PDE7B: variants seen among roughly 807,000 people sequenced by gnomAD.
PDE7B encodes the protein 3',5'-cyclic-AMP phosphodiesterase 7B.
A neutral mutation model predicts 56.2 loss-of-function variants in PDE7B; 29 were observed. The ratio of observed to expected loss-of-function variants is 0.52; its 90% CI spans 0.38 to 0.70. The LOEUF (loss-of-function observed/expected upper bound fraction) is 0.70. Ranked by LOEUF, PDE7B falls within the 30% of genes least tolerant of loss-of-function variation. The pLI is 0.00. For synonymous variants in PDE7B, 197 were observed against 196.9 expected, an observed-to-expected ratio of 1.00 and a Z score of 0.00; for missense variants, 490 against 565.0, an observed-to-expected ratio of 0.87 and a Z score of 1.35.
intron 3 of PDE7B, among the ~76,000 whole-genome samples, chr6:136,118,823 A>G (rs1379009921): frequency 6.6e-6 from 1 of 152,194 alleles, no homozygotes; most frequent in African/African-American, 2.4e-5. Context: ...TTGGTATTAA[A>G]TGACTTCAGT....
chr6:136,049,831 T>C (rs1299408661), intron 2 of PDE7B, among the ~76,000 whole-genome samples: 1 of 152,160 alleles, frequency 6.6e-6, no homozygotes, highest in African/African-American at 2.4e-5. Flanking sequence ...GGACAAGAAA[T>C]CTTAACTCTT....
intron 2 of PDE7B, among the ~76,000 whole-genome samples, chr6:136,104,011 T>C (rs575971876): frequency 1.3e-5 from 2 of 152,198 alleles, no homozygotes; most frequent in South Asian, 4.1e-4. Context: ...AGAGGCAGCG[T>C]GAGAGGCCAA....
intron 1 of PDE7B, among the ~76,000 whole-genome samples, chr6:135,924,038 T>A (rs910923377): frequency 3.3e-5 from 5 of 152,210 alleles, no homozygotes. Context: ...CAAATTTTTT[T>A]AAATGTAAAA....
At chr6:136,085,939 G>A (rs1055993719) in intron 2 of PDE7B, among the ~76,000 whole-genome samples, 1 of 152,112 alleles carries the variant, frequency 6.6e-6, no homozygotes, top group African/African-American at 2.4e-5. Context: ...TGAGCTTTGT[G>A]GGTTCTTTCT....
chr6:136,140,593 T>C (rs190830575), intron 3 of PDE7B, among the ~76,000 whole-genome samples: 8 of 152,358 alleles, frequency 5.3e-5, no homozygotes, highest in African/African-American at 1.9e-4. Flanking sequence ...TGATTCCTCC[T>C]ACCCTTGAGC....
At chr6:136,139,560 G>A (rs1583903076) in intron 3 of PDE7B, among the ~76,000 whole-genome samples, 1 of 152,152 alleles carries the variant, frequency 6.6e-6, no homozygotes, top group African/African-American at 2.4e-5. Context: ...CTTCCACAAT[G>A]GTTGAACTAG....
intron 1 of PDE7B, among the ~76,000 whole-genome samples, chr6:135,870,438 G>A (rs1205231617): frequency 6.6e-6 from 1 of 151,888 alleles, no homozygotes; most frequent in African/African-American, 2.4e-5. Flanking sequence ...GATTAAATGT[G>A]TGTGTGTGTG....
intron 12 of PDE7B, among the ~76,000 whole-genome samples, chr6:136,190,382 T>C (rs1364533327): frequency 1.3e-5 from 2 of 152,220 alleles, no homozygotes; most frequent in East Asian, 3.8e-4. Flanking sequence ...TAACAGTGTG[T>C]ATTGCTGCAT....
rs1778591991 is a variant in PDE7B at position 136,155,689 on chromosome 6, T to C, written c.642T>C (p.Asp214=). 1.9e-6 allele frequency: 3 copies of C among 1,613,942 alleles called. No homozygotes were observed. Among genetic ancestry groups the C allele is most frequent in the East Asian group, 2.2e-5 (1 of 44,882 alleles). Residue 214 remains aspartate (D), a synonymous_variant, in exon 8 of 13, where the codon GAT becomes GAC. Coordinates refer to ENST00000308191, the MANE Select transcript of PDE7B (RefSeq NM_018945.4). ...GACTGCTGGCTGCAGCAGCACACGA[T>C]GTGGACCACCCAGGGGTGAACCAGC... ...MLGLLAAAAH[D]VDHPGVNQPF... is the part of the protein sequence containing the mutation.
intron 8 of PDE7B, among the ~76,000 whole-genome samples, chr6:136,165,896 TAAGG>T (rs1778784784): frequency 6.6e-6 from 1 of 152,080 alleles, no homozygotes; most frequent in Admixed American, 6.5e-5. Flanking sequence ...GTTCTGTGAG[TAAGG>T]AAGAAAGGAA....
chr6:135,872,878 G>A (rs1002746738), intron 1 of PDE7B, among the ~76,000 whole-genome samples: 21 of 152,118 alleles, frequency 1.4e-4, no homozygotes, highest in African/African-American at 4.8e-4. Flanking sequence ...ATAGTAGTGA[G>A]TGTGTGTGAA....
intron 2 of PDE7B, among the ~76,000 whole-genome samples, chr6:136,028,130 AAATGAATTAATG>A (rs1458718135): frequency 6.6e-6 from 1 of 152,230 alleles, no homozygotes; most frequent in Non-Finnish European, 1.5e-5. Flanking sequence ...AATGCATGTT[AAATGAATTAATG>A]AATGAATTAA....
intron 2 of PDE7B, among the ~76,000 whole-genome samples, chr6:135,948,537 A>C (rs1167277229): frequency 1.3e-5 from 2 of 151,998 alleles, no homozygotes; most frequent in Non-Finnish European, 2.9e-5. Context: ...ATAATCATGT[A>C]ACAAATAATC....
chr6:136,165,840 A>G (rs1234349203), intron 8 of PDE7B, among the ~76,000 whole-genome samples: 1 of 152,188 alleles, frequency 6.6e-6, no homozygotes, highest in African/African-American at 2.4e-5. Flanking sequence ...AGGCTGAGAA[A>G]TGCTGTCTTT....
chr6:136,168,427 A>G (rs952678193), intron 8 of PDE7B, among the ~76,000 whole-genome samples: 3 of 152,040 alleles, frequency 2.0e-5, no homozygotes, highest in Non-Finnish European at 2.9e-5. Flanking sequence ...CCTTGAGAGC[A>G]GAGATTTTGT....
At chr6:135,878,867 T>C (rs760999942) in intron 1 of PDE7B, among the ~76,000 whole-genome samples, 2 of 152,218 alleles carry the variant, frequency 1.3e-5, no homozygotes, top group Non-Finnish European at 2.9e-5. Context: ...TTCCTGACAA[T>C]TGATATTCAC....
rs183875761 is a variant in PDE7B at position 136,071,440 on chromosome 6, G to T, written c.83-37291G>T. The T allele has an allele frequency of 2.6e-5, 4 of 152,278 alleles. No individual in the cohort carries two copies. The East Asian group carries it at 7.7e-4, about 29-fold the overall frequency. The allele number at this position is 152,278 out of a possible 1,614,324, so 9.4% of individuals were successfully genotyped here. ...AATCACTAACATATCAGAAAGGTTGGACAAGAGGAAAAGTAAACTGGAAAC... is the reference window on the plus strand; with the variant it reads ...AATCACTAACATATCAGAAAGGTTGTACAAGAGGAAAAGTAAACTGGAAAC... On this transcript the variant is annotated intron_variant, in intron 2 of 12. Coordinates refer to ENST00000308191, the MANE Select transcript of PDE7B (RefSeq NM_018945.4).
chr6:136,169,423 A>C (rs1303738943), intron 8 of PDE7B, among the ~76,000 whole-genome samples: 3 of 152,138 alleles, frequency 2.0e-5, no homozygotes, highest in Admixed American at 2.0e-4. Flanking sequence ...TCATCTCCAA[A>C]TACAGTTTCA....
At chr6:136,162,369 A>C (rs1029459961) in intron 8 of PDE7B, 10 of 151,980 alleles carry the variant, frequency 6.6e-5, no homozygotes, top group Non-Finnish European at 1.5e-4. Flanking sequence ...GGGAAAAAAA[A>C]CCCTTATAAA....
Sources: gnomAD v4.1 joint callset for allele counts (sites outside exome capture counted in the v4.1 genomes callset) on GRCh38, gnomAD v4.1.1 for gene constraint, MANE v1.5 for transcripts, NCBI Gene and HGNC (gene_info 2026-07-23, HGNC 2026-07-21) for gene names.